The following CAPN13 variants were observed in gnomAD, a reference collection of about 807,000 sequenced individuals.
The protein encoded by CAPN13 is calpain-13.
In CAPN13, 90 loss-of-function variants were observed where a neutral mutation model predicts 98.4. The ratio of observed to expected loss-of-function variants is 0.92; its 90% CI spans 0.77 to 1.09. The LOEUF (loss-of-function observed/expected upper bound fraction) is 1.09. Ranked by LOEUF, CAPN13 falls within the 50% of genes least tolerant of loss-of-function variation. The pLI, the probability that CAPN13 is intolerant of heterozygous loss-of-function variation, is 0.00. For synonymous variants in CAPN13, 330 were observed against 305.5 expected, an observed-to-expected ratio of 1.08 and a Z score of -0.84; for missense variants, 887 against 841.3, an observed-to-expected ratio of 1.05 and a Z score of -0.67.
At chr2:30,777,485 A>C (rs112406051) in intron 3 of CAPN13, 82 bp downstream of exon 3, 7 of 1,262,742 alleles carry the variant, frequency 5.5e-6, no homozygotes, top group Non-Finnish European at 7.9e-6. Flanking sequence ...TCTCCCTCAG[A>C]AGTGGGGCAG....
intron 3 of CAPN13, among the ~76,000 whole-genome samples, chr2:30,777,221 CAG>C (rs991845400): frequency 1.3e-5 from 2 of 152,214 alleles, no homozygotes; most frequent in African/African-American, 4.8e-5. Context: ...GGGAAGCAGT[CAG>C]AGAGTGCTGG....
intron 3 of CAPN13, among the ~76,000 whole-genome samples, chr2:30,777,261 T>C (rs571997693): frequency 6.6e-6 from 1 of 152,392 alleles, no homozygotes; most frequent in South Asian, 2.1e-4. Flanking sequence ...TAACTGAGTG[T>C]GTGACATTAA....
intron 1 of CAPN13, among the ~76,000 whole-genome samples, chr2:30,805,478 C>A (rs915967058): frequency 6.6e-6 from 1 of 152,056 alleles, no homozygotes; most frequent in African/African-American, 2.4e-5. Context: ...TATAGAGAAC[C>A]CAGGCTAAAA....
chr2:30,753,649 T>C (rs554167992), intron 9 of CAPN13, among the ~76,000 whole-genome samples: 5 of 152,326 alleles, frequency 3.3e-5, no homozygotes, highest in Admixed American at 2.6e-4. Flanking sequence ...AAACCAGAGA[T>C]ACTGGGAAAG....
chr2:30,756,844 A>T (rs1225547450), intron 8 of CAPN13, among the ~76,000 whole-genome samples: 2 of 152,292 alleles, frequency 1.3e-5, no homozygotes, highest in Non-Finnish European at 2.9e-5. Flanking sequence ...AGTTAGGTTT[A>T]TTCTAGGAAT....
In CAPN13 at chr2:30,770,402, T is replaced by TAGGC. The variant is rs779888020; in HGVS notation, c.431_434dup (p.Val147ThrfsTer6). 6.0e-5 allele frequency: 97 copies of TAGGC among 1,613,816 alleles called. No individual in the cohort carries two copies. The highest frequency in any genetic ancestry group is 4.0e-5 in the Non-Finnish European group (47 of 1,179,860). ...AGAGGCATTTATCTCCCTGGACAGG[T>TAGGC]AGGCGGTCATCAATCACCACTTCCA... On this transcript the variant is annotated frameshift_variant, in exon 5 of 23. Transcript: ENST00000295055. LOFTEE classifies it high-confidence loss of function.
Position 30,787,318 on chromosome 2 carries a change from T to TA in CAPN13, c.7dup (p.Tyr3LeufsTer34). 6.2e-7 allele frequency: 1 copy of TA among 1,612,298 alleles called. No homozygotes were observed. Among genetic ancestry groups the TA allele is most frequent in the Non-Finnish European group, 8.5e-7 (1 of 1,179,308 alleles). On this transcript the variant is annotated frameshift_variant, in exon 2 of 23. Transcript: ENST00000295055. LOFTEE classifies it high-confidence loss of function. ...GGTCTCCACTGAAGGCTCCTGGTAATACGCCATGACTCTCCTTAGAAGACT... is the reference window on the plus strand; with the variant it reads ...GGTCTCCACTGAAGGCTCCTGGTAATAACGCCATGACTCTCCTTAGAAGACT...
chr2:30,741,995 A>T (rs1424013622), intron 14 of CAPN13, 31 bp from the exon 15 acceptor site: 3 of 1,604,224 alleles, frequency 1.9e-6, no homozygotes, highest in South Asian at 2.2e-5. Flanking sequence ...TCAATGTTAG[A>T]CTTCTGGGGA....
rs181366813 is a variant in CAPN13, at chr2:30,796,362, C to T, written c.-32-9005G>A. ...TATATCACGTACTATGACAGTGCAA[C>T]GTAGCATAGTAAAGTAGAATACAGT... is the stretch of plus-strand genomic sequence containing the variant. On this transcript the variant is annotated intron_variant, in intron 1 of 22. Transcript: ENST00000295055. 3.5e-3 allele frequency among the ~76,000 whole-genome samples: 535 copies of T among 151,664 alleles called. 3 individuals carry two copies. The highest frequency in any genetic ancestry group is 3.4e-3 in the Middle Eastern group (1 of 294).
intron 17 of CAPN13, chr2:30,737,064 G>A (rs1671404143): frequency 1.3e-5 from 2 of 155,376 alleles, no homozygotes; most frequent in African/African-American, 4.8e-5. Flanking sequence ...ATTAACCTCT[G>A]AGAACTGGAA....
intron 19 of CAPN13, among the ~76,000 whole-genome samples, chr2:30,733,040 G>A (rs1045974139): frequency 2.0e-5 from 3 of 152,196 alleles, no homozygotes; most frequent in Non-Finnish European, 2.9e-5. Flanking sequence ...GACCCTTGGC[G>A]GGAGAGCAGA....
At chr2:30,796,420 A>T (rs1270754577) in intron 1 of CAPN13, among the ~76,000 whole-genome samples, 1 of 151,896 alleles carries the variant, frequency 6.6e-6, no homozygotes, top group Non-Finnish European at 1.5e-5. Context: ...TGACCCAGAG[A>T]TCATGGATGA....
intron 3 of CAPN13, 89 bp downstream of exon 3, chr2:30,777,478 C>T: frequency 8.5e-7 from 1 of 1,183,214 alleles, no homozygotes. Context: ...TGGCCTTTCT[C>T]CCTCAGAAGT....
intron 4 of CAPN13, among the ~76,000 whole-genome samples, chr2:30,771,025 C>T (rs553500980): frequency 1.6e-4 from 25 of 152,298 alleles, no homozygotes; most frequent in African/African-American, 5.8e-4. Flanking sequence ...CTCCCTCTGG[C>T]CCCCCTCTTC....
At chr2:30,754,269 T>C (rs1396076241) in intron 9 of CAPN13, 21 bp downstream of exon 9, 8 of 1,574,344 alleles carry the variant, frequency 5.1e-6, no homozygotes, top group East Asian at 2.3e-5. Flanking sequence ...TAAAACACCA[T>C]TGTATAAGAA....
At chr2:30,769,390 T>C (rs1185349771) in intron 5 of CAPN13, among the ~76,000 whole-genome samples, 1 of 152,182 alleles carries the variant, frequency 6.6e-6, no homozygotes, top group Non-Finnish European at 1.5e-5. Context: ...CTCCAGCTTT[T>C]GCAGTCTCAT....
rs189140565 is a variant in CAPN13 at position 30,785,199 on chromosome 2, G to C, written c.198+1929C>G. ...CCTGCTAGGCACTTAAGTCAGTGGG[G>C]GGAAAGTGCAGCAGGTGGAAAGAAT... On this transcript the variant is annotated intron_variant, in intron 2 of 22. Coordinates refer to ENST00000295055, the MANE Select transcript of CAPN13 (RefSeq NM_144575.3). Among the ~76,000 whole-genome samples the C allele has an allele frequency of 1.4e-3, 208 of 152,264 alleles. 2 individuals carry two copies. The highest frequency in any genetic ancestry group is 5.0e-4 in the Non-Finnish European group (34 of 68,024).
chr2:30,757,015 G>A (rs1454752886), intron 8 of CAPN13, among the ~76,000 whole-genome samples: 1 of 152,184 alleles, frequency 6.6e-6, no homozygotes, highest in Non-Finnish European at 1.5e-5. Context: ...CCTAGAACTG[G>A]CTGGCTCTGC....
intron 22 of CAPN13, chr2:30,729,509 T>C (rs1309956808): frequency 1.3e-5 from 2 of 152,188 alleles, no homozygotes; most frequent in Non-Finnish European, 2.9e-5. Context: ...AAATATACAA[T>C]TGAAGAATCA....
Sources: gnomAD v4.1 joint callset for allele counts (sites outside exome capture counted in the v4.1 genomes callset) on GRCh38, gnomAD v4.1.1 for gene constraint, MANE v1.5 for transcripts, NCBI Gene and HGNC (gene_info 2026-07-23, HGNC 2026-07-21) for gene names.